The following DPP6 variants were observed in gnomAD, a reference collection of about 807,000 sequenced individuals.
DPP6 encodes A-type potassium channel modulatory protein DPP6.
In DPP6, 69 loss-of-function variants were observed where a neutral mutation model predicts 122.6. The observed-to-expected ratio is 0.56, with a 90% CI of 0.46 to 0.69. The LOEUF (loss-of-function observed/expected upper bound fraction) is 0.69. DPP6 is among the 30% of genes least tolerant of loss of function. The pLI is 0.00. For missense variants in DPP6, 928 were observed against 1,116.9 expected (o/e 0.83, Z 2.41); for synonymous variants, 418 against 433.1 (o/e 0.97, Z 0.43).
At chr7:154,887,600 C>T (rs1230139063) in intron 22 of DPP6, 76 bp from the exon 23 acceptor site, 1 of 1,469,490 alleles carries the variant, frequency 6.8e-7, no homozygotes. Context: ...GGTCCAGGGC[C>T]CTCCCTAGAG....
intron 8 of DPP6, among the ~76,000 whole-genome samples, chr7:154,740,460 A>G (rs1219593439): frequency 2.0e-5 from 3 of 152,224 alleles, no homozygotes; most frequent in Non-Finnish European, 4.4e-5. Context: ...AGAAGCTGGA[A>G]CTAGACTTAG....
chr7:154,352,720 A>G (rs1361470504), intron 1 of DPP6, among the ~76,000 whole-genome samples: 1 of 152,120 alleles, frequency 6.6e-6, no homozygotes. Context: ...CAAGTACCTC[A>G]TGCATGTGGG....
At chr7:153,777,242 A>C in the DPP6 span, among the ~76,000 whole-genome samples, 5 of 152,240 alleles carry the variant, frequency 3.3e-5, no homozygotes, top group Non-Finnish European at 7.3e-5. Context: ...CAAGCTGACC[A>C]CACAAAGTTC....
chr7:154,406,353 T>C (rs1297761615), intron 1 of DPP6, among the ~76,000 whole-genome samples: 1 of 152,148 alleles, frequency 6.6e-6, no homozygotes, highest in Non-Finnish European at 1.5e-5. Flanking sequence ...TCATAATAAT[T>C]TTACAACACT....
chr7:154,308,434 T>A (rs1806565838), intron 1 of DPP6, among the ~76,000 whole-genome samples: 3 of 152,186 alleles, frequency 2.0e-5, no homozygotes, highest in African/African-American at 7.2e-5. Flanking sequence ...TCTTTCTCTT[T>A]GGAGATGCTA....
intron 1 of DPP6, among the ~76,000 whole-genome samples, chr7:154,169,520 A>G (rs1350051807): frequency 2.0e-5 from 3 of 152,112 alleles, no homozygotes; most frequent in Non-Finnish European, 4.4e-5. Context: ...CTGTGTCTTG[A>G]TTTCCTTCAT....
At chr7:153,923,300 A>T (rs2129009489) in intron 1 of DPP6, among the ~76,000 whole-genome samples, 1 of 152,310 alleles carries the variant, frequency 6.6e-6, no homozygotes, top group South Asian at 2.1e-4. Context: ...TGGCATTAAG[A>T]TGCCTAATGC....
chr7:154,223,118 T>C (rs1389159655), intron 1 of DPP6, among the ~76,000 whole-genome samples: 1 of 148,978 alleles, frequency 6.7e-6, no homozygotes, highest in Non-Finnish European at 1.5e-5. Context: ...CATTTTTGCA[T>C]GTACAAAGTC....
the DPP6 span, among the ~76,000 whole-genome samples, chr7:153,839,039 G>C: frequency 4.6e-5 from 7 of 152,250 alleles, no homozygotes; most frequent in East Asian, 1.2e-3. Flanking sequence ...ATCTAGGGTA[G>C]AGCCTGAGAG....
chr7:154,369,103 C>G (rs188098181), intron 1 of DPP6, among the ~76,000 whole-genome samples: 1 of 152,124 alleles, frequency 6.6e-6, no homozygotes, highest in Middle Eastern at 3.4e-3. Flanking sequence ...TTCGTTCGTT[C>G]GTTTGTTTTT....
At chr7:154,149,814 G>C (rs939160479) in intron 1 of DPP6, among the ~76,000 whole-genome samples, 1 of 152,116 alleles carries the variant, frequency 6.6e-6, no homozygotes, top group Non-Finnish European at 1.5e-5. Context: ...GGGAAGCCGG[G>C]ATTGTGGACA....
At chr7:154,310,750 G>A (rs994029277) in intron 1 of DPP6, among the ~76,000 whole-genome samples, 19 of 152,144 alleles carry the variant, frequency 1.2e-4, no homozygotes, top group African/African-American at 4.6e-4. Flanking sequence ...AAAGTGTTAA[G>A]ATGCTAATCA....
intron 1 of DPP6, among the ~76,000 whole-genome samples, chr7:154,199,239 G>C (rs1003684406): frequency 2.0e-5 from 3 of 152,168 alleles, no homozygotes; most frequent in Admixed American, 6.5e-5. Flanking sequence ...CCCAAAGGCT[G>C]TACGGAGATA....
chr7:154,746,445 G>A (rs1344885290), intron 8 of DPP6, among the ~76,000 whole-genome samples: 8 of 152,178 alleles, frequency 5.3e-5, no homozygotes, highest in East Asian at 3.9e-4. Context: ...TCCTTCCATC[G>A]TGAGGTCTGC....
chr7:154,890,062 C>G, intron 25 of DPP6: 1 of 156,482 alleles, frequency 6.4e-6, no homozygotes, highest in Non-Finnish European at 1.4e-5. Flanking sequence ...ACAACCAACC[C>G]GTGGCCCGTC....
At position 153,923,760 on chromosome 7, in the gene DPP6, C is replaced by CAAAAAA. The variant is rs1158548494; in HGVS notation, c.51+36043_51+36048dup. 9.5e-3 allele frequency among the ~76,000 whole-genome samples: 443 copies of CAAAAAA among 46,744 alleles called. 30 individuals are homozygous for CAAAAAA. The highest frequency in any genetic ancestry group is 0.039 in the African/African-American group (401 of 10,404). 30.7% of individuals were successfully genotyped at this position (46,744 alleles called of 152,430 possible). ...TGGGCAACAGAGCGAGACTCCATCTCAAAAAAAAAAAAAAAAAAAAAAGAA... is the reference window on the plus strand; with the variant it reads ...TGGGCAACAGAGCGAGACTCCATCTCAAAAAAAAAAAAAAAAAAAAAAAAAAAAGAA... On this transcript the variant is annotated intron_variant, in intron 1 of 25. Transcript: ENST00000404039.
intron 1 of DPP6, among the ~76,000 whole-genome samples, chr7:154,293,630 C>T (rs932204218): frequency 1.3e-5 from 2 of 152,184 alleles, no homozygotes; most frequent in African/African-American, 4.8e-5. Context: ...CCCAGGGCGA[C>T]ATACATAAAT....
At chr7:153,937,437 CTTTTTTTTTTTTTTTTT>C (rs201001951) in intron 1 of DPP6, among the ~76,000 whole-genome samples, 1,564 of 115,540 alleles carry the variant, frequency 0.014, 47 homozygotes, top group Admixed American at 0.078. Flanking sequence ...TCAGAGCTAA[CTTTTTTTTTTTTTTTTT>C]TTTTTTTTTT....
chr7:154,455,237 G>A (rs974314356), intron 2 of DPP6, among the ~76,000 whole-genome samples: 43 of 152,218 alleles, frequency 2.8e-4, no homozygotes, highest in African/African-American at 9.9e-4. Flanking sequence ...CCGGAGCTGC[G>A]AGGAGACAGC....
Sources: allele counts gnomAD v4.1 joint callset (sites outside exome capture counted in the v4.1 genomes callset), GRCh38; gene constraint gnomAD v4.1.1; transcripts MANE v1.5; gene names NCBI Gene and HGNC (gene_info 2026-07-23, HGNC 2026-07-21).